FAM177A1: variants seen among roughly 807,000 people sequenced by gnomAD.
FAM177A1 encodes the protein family with sequence similarity 177 member A1, also known as protein FAM177A1.
FAM177A1 carries 22 observed loss-of-function variants against 26.1 expected under a neutral mutation model. The observed-to-expected ratio is 0.84, with a 90% CI of 0.60 to 1.20. The LOEUF (loss-of-function observed/expected upper bound fraction) is 1.20, where lower values mean the gene tolerates loss of function less well. FAM177A1 is among the 50% of genes most tolerant of loss of function. FAM177A1 has a pLI of 0.00. For synonymous variants in FAM177A1, 95 were observed against 99.3 expected (o/e 0.96, Z 0.26); for missense variants, 296 against 291.1 (o/e 1.02, Z -0.12).
chr14:35,046,693 CG>C, intron 1 of FAM177A1, 65 bp downstream of exon 1: 1 of 1,483,046 alleles, frequency 6.7e-7, no homozygotes, highest in Non-Finnish European at 9.0e-7. Context: ...CTCCGCGGGC[CG>C]CTCTTTTAGC....
chr14:35,046,988 C>G, intron 1 of FAM177A1: 1 of 1,050,102 alleles, frequency 9.5e-7, no homozygotes, highest in Non-Finnish European at 1.1e-6. Flanking sequence ...TCAGTCTCTT[C>G]TGGTGCGAGC....
At chr14:35,064,583 T>C (rs8008066) in intron 2 of FAM177A1, among the ~76,000 whole-genome samples, 24,862 of 152,136 alleles carry the variant, frequency 0.16, 2,262 homozygotes, top group African/African-American at 0.23. Context: ...TGACTATACA[T>C]GTTGACTAAA....
At chr14:35,072,357 G>A (rs1400033799) in intron 2 of FAM177A1, among the ~76,000 whole-genome samples, 1 of 152,064 alleles carries the variant, frequency 6.6e-6, no homozygotes, top group East Asian at 1.9e-4. Flanking sequence ...AGTGGGAAGT[G>A]GATCATCATC....
chr14:35,048,076 C>G (rs117699879), intron 1 of FAM177A1, among the ~76,000 whole-genome samples: 1 of 152,124 alleles, frequency 6.6e-6, no homozygotes, highest in Non-Finnish European at 1.5e-5. Context: ...ATATGGAATA[C>G]GTTTTTTCCC....
chr14:35,075,207 A>G (rs2045376877), intron 2 of FAM177A1, among the ~76,000 whole-genome samples: 1 of 152,266 alleles, frequency 6.6e-6, no homozygotes, highest in African/African-American at 2.4e-5. Flanking sequence ...ATTTGGAATT[A>G]TAGAACCAAG....
At chr14:35,077,455 T>C (rs763435361) in intron 3 of FAM177A1, among the ~76,000 whole-genome samples, 2 of 149,526 alleles carry the variant, frequency 1.3e-5, no homozygotes, top group African/African-American at 4.9e-5. Context: ...AGTTTAGATA[T>C]GGTTTTCAAG....
In FAM177A1 at chr14:35,046,585, C is replaced by T. The variant is rs560825552; in HGVS notation, c.122C>T (p.Ser41Leu). 404 of 1,558,364 alleles carry T rather than the reference C, an allele frequency of 2.6e-4. No individual in the cohort carries two copies. Among genetic ancestry groups the T allele is most frequent in the Middle Eastern group, 3.8e-4 (2 of 5,332 alleles). Residue 41 changes from serine (S) to leucine (L), a missense_variant, in exon 1 of 5, where the codon TCG (serine) becomes TTG (leucine). Transcript: ENST00000280987. Reference protein sequence around the residue: ...GVERGEAVAASGAAAAAAFGE... With the variant: ...GVERGEAVAALGAAAAAAFGE... ...GAACGAGGAGAAGCCGTCGCAGCCT[C>T]GGGAGCTGCGGCCGCCGCGGCATTC...
chr14:35,080,493 C>G (rs185481286), intron 4 of FAM177A1, among the ~76,000 whole-genome samples: 3 of 152,154 alleles, frequency 2.0e-5, no homozygotes, highest in Non-Finnish European at 2.9e-5. Context: ...AGTGCTGGAC[C>G]CTGTTTTAAA....
intron 2 of FAM177A1, among the ~76,000 whole-genome samples, chr14:35,076,456 C>T (rs1225542249): frequency 6.8e-6 from 1 of 147,126 alleles, no homozygotes; most frequent in Admixed American, 6.8e-5. Context: ...GTGGGGGGAG[C>T]GGGGAGGGAT....
At chr14:35,076,155 C>T (rs182021479) in intron 2 of FAM177A1, among the ~76,000 whole-genome samples, 2 of 152,152 alleles carry the variant, frequency 1.3e-5, no homozygotes, top group African/African-American at 4.8e-5. Context: ...ATGTTTATTG[C>T]GGCACTATTC....
At chr14:35,062,623 T>G (rs1197288246) in intron 2 of FAM177A1, among the ~76,000 whole-genome samples, 1 of 152,032 alleles carries the variant, frequency 6.6e-6, no homozygotes, top group Non-Finnish European at 1.5e-5. Flanking sequence ...AGATAATATC[T>G]ATGAAAACTC....
At chr14:35,071,573 A>G (rs756505923) in intron 2 of FAM177A1, among the ~76,000 whole-genome samples, 6 of 147,798 alleles carry the variant, frequency 4.1e-5, no homozygotes, top group South Asian at 4.4e-4. Flanking sequence ...AATCAAGTCA[A>G]TGTTCAAACA....
At chr14:35,063,215 G>C (rs1163906124) in intron 2 of FAM177A1, among the ~76,000 whole-genome samples, 2 of 149,454 alleles carry the variant, frequency 1.3e-5, no homozygotes, top group Admixed American at 1.3e-4. Context: ...TATCATTTTA[G>C]AGTTTATAAA....
intron 2 of FAM177A1, among the ~76,000 whole-genome samples, chr14:35,058,501 A>G (rs770813438): frequency 5.3e-5 from 8 of 152,126 alleles, no homozygotes; most frequent in Non-Finnish European, 1.0e-4. Context: ...TGTATTTATA[A>G]TTTCATATCT....
At chr14:35,050,780 A>T (rs2044954209) in intron 1 of FAM177A1, 1 of 152,150 alleles carries the variant, frequency 6.6e-6, no homozygotes, top group African/African-American at 2.4e-5. Flanking sequence ...TTTCCTTTGC[A>T]TAGGAAATTA....
chr14:35,078,962 T>G lies in FAM177A1; in HGVS notation c.442T>G (p.Leu148Val). 1 of 1,554,822 alleles carries G rather than the reference T, an allele frequency of 6.4e-7. No individual in the cohort carries two copies. Among genetic ancestry groups the G allele is most frequent in the East Asian group, 2.4e-5 (1 of 41,116 alleles). Reference sequence around the variant, plus strand: ...CCTTGGAGAGAAGATTGCATCTGTTTTGGGTATCAGCACCCCAAAGTACCA... The same window carrying G: ...CCTTGGAGAGAAGATTGCATCTGTTGTGGGTATCAGCACCCCAAAGTACCA... ...DFLGEKIASV[L>V]GISTPKYQYA... is the part of the protein sequence containing the mutation. Residue 148 changes from leucine to valine, a missense_variant, in exon 4 of 5, where the codon TTG (leucine) becomes GTG (valine). Transcript: ENST00000280987.
At chr14:35,067,692 A>T (rs1171415415) in intron 2 of FAM177A1, among the ~76,000 whole-genome samples, 1 of 152,138 alleles carries the variant, frequency 6.6e-6, no homozygotes, top group Non-Finnish European at 1.5e-5. Context: ...AACATTTGTT[A>T]TCTTTTATCT....
Position 35,070,114 on chromosome 14 carries a change from C to CAAAAAAAAAAAAAAAA in FAM177A1, c.340-7015_340-7000dup, listed in dbSNP as rs746133319. ...TGGGCGACAGAGTGAGACTCTGTCT[C>CAAAAAAAAAAAAAAAA]AAAAAAAAAAAAAAAAAAAAAAAAA... On this transcript the variant is annotated intron_variant, in intron 2 of 4. Transcript: ENST00000280987. Among the ~76,000 whole-genome samples, 6 of 53,854 alleles carry CAAAAAAAAAAAAAAAA rather than the reference C, an allele frequency of 1.1e-4. 1 individual carries two copies. Among genetic ancestry groups the CAAAAAAAAAAAAAAAA allele is most frequent in the Admixed American group, 2.8e-4 (1 of 3,558 alleles). The allele number at this position is 53,854 out of a possible 152,430, so 35.3% of individuals were successfully genotyped here.
chr14:35,076,597 TAAA>T (rs958312862), intron 2 of FAM177A1, among the ~76,000 whole-genome samples: 3 of 150,770 alleles, frequency 2.0e-5, no homozygotes, highest in Admixed American at 6.6e-5. Flanking sequence ...ATAATAATAA[TAAA>T]AAAAAAGACT....
Sources: allele counts gnomAD v4.1 joint callset (sites outside exome capture counted in the v4.1 genomes callset), GRCh38; gene constraint gnomAD v4.1.1; transcripts MANE v1.5; gene names NCBI Gene and HGNC (gene_info 2026-07-23, HGNC 2026-07-21).